ACSM6: variants seen among roughly 807,000 people sequenced by gnomAD.
ACSM6 encodes acyl-coenzyme A synthetase ACSM6, mitochondrial.
Under a neutral mutation model 51.1 loss-of-function variants are expected in ACSM6, and 35 were observed. The observed-to-expected ratio is 0.69, with a 90% CI of 0.52 to 0.91. The LOEUF is 0.91. Among genes scored for constraint, ACSM6 ranks in the 40% least tolerant of loss-of-function variants. The pLI, the probability that ACSM6 is intolerant of heterozygous loss-of-function variation, is 0.00. For synonymous variants in ACSM6, 172 were observed against 207.3 expected (o/e 0.83, Z 1.46); for missense variants, 509 against 584.1 (o/e 0.87, Z 1.32).
chr10:95,227,198 G>A (rs2035047738), intron 10 of ACSM6, among the ~76,000 whole-genome samples: 1 of 152,032 alleles, frequency 6.6e-6, no homozygotes, highest in South Asian at 2.1e-4. Flanking sequence ...TGTTGGCCAG[G>A]TTGGTCTGGA....
At chr10:95,213,024 G>C in intron 7 of ACSM6, 84 bp downstream of exon 7, 2 of 1,158,482 alleles carry the variant, frequency 1.7e-6, no homozygotes, top group Non-Finnish European at 2.6e-6. Flanking sequence ...TGTTGAAGTA[G>C]ATCCAATCTT....
At chr10:95,207,796 G>T (rs1174489144) in intron 4 of ACSM6, among the ~76,000 whole-genome samples, 1 of 150,240 alleles carries the variant, frequency 6.7e-6, no homozygotes, top group Non-Finnish European at 1.5e-5. Context: ...ATATATAATG[G>T]AATACTATGA....
rs533167881 is a variant in ACSM6 at position 95,198,560 on chromosome 10, AG to A, written c.193-3424del. Among the ~76,000 whole-genome samples, 3 of 152,016 alleles carry A rather than the reference AG, an allele frequency of 2.0e-5. No homozygotes were observed. The East Asian group carries it at 5.8e-4, about 29-fold the overall frequency. On this transcript the variant is annotated intron_variant, in intron 2 of 10. Transcript: ENST00000341686. Reference sequence around the variant, plus strand: ...CAGGTACTTGGGAGTCTGAGGCAGGAGAATTGCTTGAACCCGGGAGGCAGAG... The same window carrying A: ...CAGGTACTTGGGAGTCTGAGGCAGGAAATTGCTTGAACCCGGGAGGCAGAG...
At chr10:95,215,050 A>G in intron 8 of ACSM6, 75 bp downstream of exon 8, 10 of 1,493,114 alleles carry the variant, frequency 6.7e-6, no homozygotes, top group Non-Finnish European at 9.0e-6. Flanking sequence ...CTGTCAAAGC[A>G]CTAAGCACGC....
At chr10:95,203,707 C>G (rs1196758930) in intron 3 of ACSM6, among the ~76,000 whole-genome samples, 1 of 151,966 alleles carries the variant, frequency 6.6e-6, no homozygotes, top group Non-Finnish European at 1.5e-5. Context: ...TGCTATAGTA[C>G]CTGACTTTCT....
At chr10:95,208,511 AAT>A (rs2034864456) in intron 4 of ACSM6, among the ~76,000 whole-genome samples, 1 of 152,156 alleles carries the variant, frequency 6.6e-6, no homozygotes, top group African/African-American at 2.4e-5. Flanking sequence ...GATATGGGGA[AAT>A]ACTTATTAAA....
At chr10:95,201,506 A>G (rs762702459) in intron 2 of ACSM6, 2 of 455,880 alleles carry the variant, frequency 4.4e-6, no homozygotes, top group South Asian at 3.1e-5. Context: ...TCCATGGCTG[A>G]GTAATATTCC....
chr10:95,195,802 C>A (rs764999353), intron 2 of ACSM6, among the ~76,000 whole-genome samples: 16 of 152,068 alleles, frequency 1.1e-4, no homozygotes, highest in Non-Finnish European at 2.2e-4. Context: ...TACTTACTGC[C>A]TTTGGTGCAT....
rs140219667 is a variant in ACSM6, at chr10:95,195,625, G to A, written c.192+948G>A. 1.2e-3 allele frequency among the ~76,000 whole-genome samples: 183 copies of A among 152,264 alleles called. 1 individual carries two copies. Among genetic ancestry groups the A allele is most frequent in the Middle Eastern group, 6.8e-3 (2 of 294 alleles). On this transcript the variant is annotated intron_variant, in intron 2 of 10. Transcript: ENST00000341686. ...TGGTGCCCGCAGGAGAATCCAGTGC[G>A]TGTGGAGAGTGAGCAGCGAGAGTTA... is the stretch of plus-strand genomic sequence containing the variant.
intron 3 of ACSM6, among the ~76,000 whole-genome samples, chr10:95,203,142 T>A (rs2133374830): frequency 6.6e-6 from 1 of 152,118 alleles, no homozygotes. Flanking sequence ...GAGGTGGCAT[T>A]AGATTCTCAT....
chr10:95,200,127 GA>G (rs1416957134), intron 2 of ACSM6, among the ~76,000 whole-genome samples: 1 of 152,140 alleles, frequency 6.6e-6, no homozygotes, highest in Non-Finnish European at 1.5e-5. Context: ...ACTGGATTTA[GA>G]AAATGTGGCA....
chr10:95,228,215 G>A (rs1195986006), intron 10 of ACSM6: 1 of 154,304 alleles, frequency 6.5e-6, no homozygotes, highest in East Asian at 1.9e-4. Context: ...TTTTTCTGAT[G>A]GAATTTTGGT....
At chr10:95,226,820 AT>A (rs1395988574) in intron 10 of ACSM6, among the ~76,000 whole-genome samples, 3 of 152,220 alleles carry the variant, frequency 2.0e-5, no homozygotes, top group Admixed American at 1.3e-4. Context: ...ATATTAACTC[AT>A]AATGCCACCA....
intron 3 of ACSM6, among the ~76,000 whole-genome samples, chr10:95,202,787 A>C (rs1397554295): frequency 6.6e-6 from 1 of 152,066 alleles, no homozygotes; most frequent in Non-Finnish European, 1.5e-5. Context: ...GCAGAAAAAA[A>C]AAATTAGCTG....
chr10:95,202,025 G>C, exon 3 of ACSM6: 2 of 1,551,768 alleles, frequency 1.3e-6, no homozygotes, highest in Non-Finnish European at 1.7e-6. Context: ...TGGAAGGTTA[G>C]TGCCAAAGGA....
At chr10:95,206,723 G>T (rs950689205) in intron 3 of ACSM6, among the ~76,000 whole-genome samples, 1 of 152,146 alleles carries the variant, frequency 6.6e-6, no homozygotes, top group African/African-American at 2.4e-5. Flanking sequence ...CTCATAGGAG[G>T]TCCACAATAG....
At chr10:95,207,051 T>A (rs1379957057) in intron 3 of ACSM6, among the ~76,000 whole-genome samples, 157 bp from the exon 4 acceptor site, 1 of 152,098 alleles carries the variant, frequency 6.6e-6, no homozygotes, top group African/African-American at 2.4e-5. Context: ...CTGTCTCAGT[T>A]TTCCCCAGTC....
intron 9 of ACSM6, among the ~76,000 whole-genome samples, chr10:95,222,706 A>T (rs1589498395): frequency 1.3e-5 from 2 of 152,156 alleles, no homozygotes; most frequent in African/African-American, 4.8e-5. Context: ...GAAAACAGGA[A>T]GGTATCCACC....
At chr10:95,198,845 T>C (rs2034762074) in intron 2 of ACSM6, among the ~76,000 whole-genome samples, 1 of 152,130 alleles carries the variant, frequency 6.6e-6, no homozygotes, top group Non-Finnish European at 1.5e-5. Context: ...CCAATTCTCA[T>C]TGTTATAATA....
Sources: allele counts gnomAD v4.1 joint callset (sites outside exome capture counted in the v4.1 genomes callset), GRCh38; gene constraint gnomAD v4.1.1; transcripts MANE v1.5; gene names NCBI Gene and HGNC (gene_info 2026-07-23, HGNC 2026-07-21).